Variants in AR observed in about 807,000 individuals in gnomAD.
AR encodes the protein androgen receptor.
In AR, 8 loss-of-function variants were observed where a neutral mutation model predicts 53.9. The observed-to-expected ratio is 0.15, with a 90% CI of 0.09 to 0.27. The LOEUF is 0.27. Among genes scored for constraint, AR ranks in the 10% least tolerant of loss-of-function variants. AR has a pLI of 1.00. For missense variants in AR, 639 were observed against 742.5 expected (o/e 0.86, Z 1.62); for synonymous variants, 359 against 316.4 (o/e 1.13, Z -1.43).
chrX:67,701,674 TCACACACA>T lies in AR; in HGVS notation c.1886-9699_1886-9692del, dbSNP rs3070104. Among the ~76,000 whole-genome samples the T allele has an allele frequency of 1.1e-3, 109 of 97,492 alleles. 1 individual carries two copies. The highest frequency in any genetic ancestry group is 2.9e-3 in the African/African-American group (77 of 26,997). 84.7% of individuals were successfully genotyped at this position (97,492 alleles called of 115,157 possible). Reference sequence around the variant, plus strand: ...TTCAATTCACCAGTGTACTAACCATTCACACACACACACACACACACACACACACACAC... The same window carrying T: ...TTCAATTCACCAGTGTACTAACCATTCACACACACACACACACACACACAC... On this transcript the variant is annotated intron_variant, in intron 3 of 7. Coordinates refer to ENST00000374690, the MANE Select transcript of AR (RefSeq NM_000044.6).
chrX:67,630,608 G>T (rs1341859929), intron 1 of AR, among the ~76,000 whole-genome samples: 3 of 111,013 alleles, frequency 2.7e-5, no homozygotes, highest in African/African-American at 9.8e-5. Context: ...GCCAGTCTGT[G>T]TCTTTTAATT....
chrX:67,629,613 AG>A (rs1348492963), intron 1 of AR, among the ~76,000 whole-genome samples: 1 of 110,144 alleles, frequency 9.1e-6, no homozygotes, highest in Non-Finnish European at 1.9e-5. Flanking sequence ...AATTTTTTGA[AG>A]GGTTTTTTGT....
At chrX:67,709,698 G>A (rs1272433836) in intron 3 of AR, among the ~76,000 whole-genome samples, 3 of 112,138 alleles carry the variant, frequency 2.7e-5, no homozygotes, top group Non-Finnish European at 3.8e-5. Context: ...TACCTCAGTC[G>A]GAAATGCAGA....
intron 5 of AR, among the ~76,000 whole-genome samples, chrX:67,718,466 T>C (rs905204807): frequency 1.8e-5 from 2 of 111,857 alleles, no homozygotes; most frequent in Non-Finnish European, 3.8e-5. Flanking sequence ...GAAAGACCTT[T>C]AACTTTTCCG....
chrX:67,674,801 G>A lies in AR; in HGVS notation c.1769-11209G>A, dbSNP rs945424721. On this transcript the variant is annotated intron_variant, in intron 2 of 7. Coordinates refer to ENST00000374690, the MANE Select transcript of AR (RefSeq NM_000044.6). ...CATTTGGTGCTCTACACCCACTGTG[G>A]CAGAACCAGTACCCAAGCTGCAAGA... is the stretch of plus-strand genomic sequence containing the variant. Among the ~76,000 whole-genome samples, 4 of 111,495 alleles carry A rather than the reference G, an allele frequency of 3.6e-5. No homozygotes were observed. In the South Asian group the frequency reaches 1.1e-3, roughly 32 times the overall value.
In AR at chrX:67,709,694, A is replaced by C. The variant is rs182175467; in HGVS notation, c.1886-1708A>C. On this transcript the variant is annotated intron_variant, in intron 3 of 7. Transcript: ENST00000374690. ...CCCAGTGAGATGAACCCGGTACCTC[A>C]GTCGGAAATGCAGAAATCACTCATC... Among the ~76,000 whole-genome samples, 624 of 112,236 alleles carry C rather than the reference A, an allele frequency of 5.6e-3. 1 individual carries two copies. The highest frequency in any genetic ancestry group is 8.8e-3 in the Non-Finnish European group (470 of 53,218).
intron 1 of AR, among the ~76,000 whole-genome samples, chrX:67,587,604 T>C (rs955672354): frequency 4.5e-5 from 5 of 111,601 alleles, no homozygotes; most frequent in Non-Finnish European, 9.4e-5. Context: ...GATAACCACA[T>C]TTAGCATGTT....
Position 67,545,741 on chromosome X carries a change from CAGGAAGCAGT to C in AR, c.597_606del (p.Gln199HisfsTer25). 1 of 1,211,195 alleles carries C rather than the reference CAGGAAGCAGT, an allele frequency of 8.3e-7. No homozygotes were observed. The highest frequency in any genetic ancestry group is 1.1e-6 in the Non-Finnish European group (1 of 895,015). Reference sequence around the variant, plus strand: ...CATGCAACTCCTTCAGCAACAGCAGCAGGAAGCAGTATCCGAAGGCAGCAGCAGCGGGAGA... The same window carrying C: ...CATGCAACTCCTTCAGCAACAGCAGCATCCGAAGGCAGCAGCAGCGGGAGA... On this transcript the variant is annotated frameshift_variant, in exon 1 of 8. Transcript: ENST00000374690. LOFTEE classifies it high-confidence loss of function.
intron 1 of AR, among the ~76,000 whole-genome samples, chrX:67,602,830 G>A (rs780021276): frequency 2.7e-5 from 3 of 111,692 alleles, no homozygotes; most frequent in South Asian, 7.5e-4. Context: ...TAATAAATGA[G>A]TATTGTTTTA....
At chrX:67,695,044 A>G (rs1745462184) in intron 3 of AR, 2 of 819,549 alleles carry the variant, frequency 2.4e-6, no homozygotes, top group Non-Finnish European at 2.9e-6. Flanking sequence ...TCTTGATCAC[A>G]TATGATGGGG....
intron 3 of AR, among the ~76,000 whole-genome samples, chrX:67,696,259 A>G (rs1387305073): frequency 9.1e-6 from 1 of 109,612 alleles, no homozygotes; most frequent in Non-Finnish European, 1.9e-5. Context: ...AAAAGCATGT[A>G]TGCTCTAAAA....
chrX:67,596,784 A>G (rs1923102310), intron 1 of AR, among the ~76,000 whole-genome samples: 1 of 112,252 alleles, frequency 8.9e-6, no homozygotes, highest in Non-Finnish European at 1.9e-5. Flanking sequence ...TTGAAAAGAC[A>G]TGTGTGGTGA....
intron 4 of AR, among the ~76,000 whole-genome samples, chrX:67,716,543 G>A (rs1352742574): frequency 2.7e-5 from 3 of 111,748 alleles, no homozygotes; most frequent in Non-Finnish European, 5.6e-5. Flanking sequence ...AGGTCATAAA[G>A]GGCCTATTCA....
At chrX:67,722,023 C>T in intron 6 of AR, 60 bp downstream of exon 6, 2 of 1,182,155 alleles carry the variant, frequency 1.7e-6, no homozygotes, top group Non-Finnish European at 2.3e-6. Flanking sequence ...GAGAGGACCA[C>T]TTTTGCCATT....
intron 2 of AR, among the ~76,000 whole-genome samples, chrX:67,645,920 C>T (rs1926036426): frequency 1.8e-5 from 2 of 111,965 alleles, no homozygotes; most frequent in Admixed American, 1.9e-4. Flanking sequence ...TCCATTTTTA[C>T]AATGCATCTT....
intron 1 of AR, among the ~76,000 whole-genome samples, chrX:67,581,231 A>T (rs938952043): frequency 9.0e-5 from 10 of 111,220 alleles, no homozygotes; most frequent in Non-Finnish European, 1.5e-4. Flanking sequence ...TTTAATTCAC[A>T]TGGCAATTTC....
At chrX:67,565,004 G>A (rs1301299100) in intron 1 of AR, among the ~76,000 whole-genome samples, 4 of 111,141 alleles carry the variant, frequency 3.6e-5, no homozygotes, top group African/African-American at 1.3e-4. Flanking sequence ...CTTCTTTCTT[G>A]TTTGAGGCAA....
chrX:67,703,144 C>A (rs1462095929), intron 3 of AR, among the ~76,000 whole-genome samples: 1 of 111,670 alleles, frequency 9.0e-6, no homozygotes, highest in African/African-American at 3.3e-5. Flanking sequence ...GGGCCAGACA[C>A]AGATGAGAGC....
At chrX:67,620,162 C>G (rs140881878) in intron 1 of AR, among the ~76,000 whole-genome samples, 397 of 110,930 alleles carry the variant, frequency 3.6e-3, no homozygotes, top group Middle Eastern at 9.2e-3. Flanking sequence ...TTCTGAAGCC[C>G]TCAGACACTT....
Sources: gnomAD v4.1 joint callset for allele counts (sites outside exome capture counted in the v4.1 genomes callset) on GRCh38, gnomAD v4.1.1 for gene constraint, MANE v1.5 for transcripts, NCBI Gene and HGNC (gene_info 2026-07-23, HGNC 2026-07-21) for gene names.